Variants in LRRC53 observed in about 807,000 individuals in gnomAD.
LRRC53 encodes the protein leucine-rich repeat-containing protein 53.
Under a neutral mutation model 13.6 loss-of-function variants are expected in LRRC53, and 25 were observed. The ratio of observed to expected loss-of-function variants is 1.83; its 90% CI spans 1.34 to 2.56. The LOEUF is 2.56. Ranked by LOEUF, LRRC53 falls within the 30% of genes most tolerant of loss-of-function variation. The pLI is 0.00. For synonymous variants in LRRC53, 204 were observed against 109.8 expected (o/e 1.86, Z -5.37); for missense variants, 527 against 275.8 (o/e 1.91, Z -6.45).
At chr1:74,493,453 A>G (rs1669175955) in intron 1 of LRRC53, among the ~76,000 whole-genome samples, 1 of 152,236 alleles carries the variant, frequency 6.6e-6, no homozygotes, top group African/African-American at 2.4e-5. Context: ...ACATTCTTTC[A>G]TAGCTAGCTC....
chr1:74,482,992 G>T (rs1668580025), intron 2 of LRRC53, among the ~76,000 whole-genome samples: 1 of 152,202 alleles, frequency 6.6e-6, no homozygotes, highest in African/African-American at 2.4e-5. Flanking sequence ...TGATATATTT[G>T]TTAAGTGTGT....
intron 1 of LRRC53, among the ~76,000 whole-genome samples, chr1:74,483,691 T>C (rs2100268822): frequency 6.6e-6 from 1 of 152,360 alleles, no homozygotes; most frequent in Admixed American, 6.5e-5. Context: ...TACTTAGTTC[T>C]TTTAATTCTG....
intron 1 of LRRC53, among the ~76,000 whole-genome samples, chr1:74,490,805 T>G (rs1016305787): frequency 2.6e-5 from 4 of 152,126 alleles, no homozygotes; most frequent in African/African-American, 9.7e-5. Context: ...CCCTAGATCT[T>G]GGAGGATGAA....
At chr1:74,511,756 G>C (rs570525785) in intron 1 of LRRC53, among the ~76,000 whole-genome samples, 13 of 151,962 alleles carry the variant, frequency 8.6e-5, no homozygotes, top group African/African-American at 2.7e-4. Flanking sequence ...AGTCAAGGTA[G>C]GCTTCCCAAA....
intron 1 of LRRC53, among the ~76,000 whole-genome samples, chr1:74,505,260 C>T (rs971567922): frequency 3.3e-5 from 5 of 152,190 alleles, no homozygotes; most frequent in African/African-American, 1.2e-4. Flanking sequence ...AGCACAGGGA[C>T]CAAAGAGAAC....
chr1:74,508,824 C>T lies in LRRC53; in HGVS notation c.-27+3702G>A, dbSNP rs139137330. ...GGTATGTGTTCTAATCCCACCTCTGCCTTTAAGAACAGTGTAAACTTGGGC... is the reference window on the plus strand; with the variant it reads ...GGTATGTGTTCTAATCCCACCTCTGTCTTTAAGAACAGTGTAAACTTGGGC... On this transcript the variant is annotated intron_variant, in intron 1 of 4. Coordinates refer to ENST00000294635, the MANE Select transcript of LRRC53 (RefSeq NM_001382280.1). Among the ~76,000 whole-genome samples, 1,072 of 152,238 alleles carry T rather than the reference C, an allele frequency of 7.0e-3. 11 individuals are homozygous for T. The highest frequency in any genetic ancestry group is 0.022 in the South Asian group (108 of 4,828).
intron 1 of LRRC53, among the ~76,000 whole-genome samples, chr1:74,494,011 G>C (rs937220256): frequency 2.0e-5 from 3 of 152,170 alleles, no homozygotes; most frequent in African/African-American, 4.8e-5. Flanking sequence ...AGGGGCCCCT[G>C]TTCTAGATGG....
chr1:74,472,083 GTCT>G lies in LRRC53; in HGVS notation c.1536_1538del (p.Glu512del), dbSNP rs1197115974. 1 of 717,140 alleles carries G rather than the reference GTCT, an allele frequency of 1.4e-6. No individual in the cohort carries two copies. 44.4% of individuals were successfully genotyped at this position (717,140 alleles called of 1,614,324 possible). ...TTTGCCTATGAGGGTGTAAGCCATT[GTCT>G]TCTTTTTCTATTGGAGGCTGCCATG... On this transcript the variant is annotated inframe_deletion, in exon 5 of 5. Coordinates refer to ENST00000294635, the MANE Select transcript of LRRC53 (RefSeq NM_001382280.1).
the LRRC53 span, among the ~76,000 whole-genome samples, chr1:74,532,660 G>A: frequency 1.0e-4 from 15 of 146,162 alleles, no homozygotes; most frequent in East Asian, 2.9e-3. Flanking sequence ...AGAGTGTGAT[G>A]TTCCCCTCCC....
At chr1:74,517,795 C>A in the LRRC53 span, among the ~76,000 whole-genome samples, 1 of 152,148 alleles carries the variant, frequency 6.6e-6, no homozygotes, top group Non-Finnish European at 1.5e-5. Flanking sequence ...TGAAAATGCA[C>A]CAGAATCACC....
upstream of LRRC53, among the ~76,000 whole-genome samples, chr1:74,517,348 C>T (rs1293113988): frequency 6.6e-6 from 1 of 152,170 alleles, no homozygotes; most frequent in Non-Finnish European, 1.5e-5. Context: ...CTTCTTCTTC[C>T]CTAAGGAACT....
the LRRC53 span, among the ~76,000 whole-genome samples, chr1:74,526,060 A>G: frequency 6.6e-6 from 1 of 152,242 alleles, no homozygotes; most frequent in Non-Finnish European, 1.5e-5. Flanking sequence ...CAAAACAAAA[A>G]AAACAGTGCT....
the LRRC53 span, among the ~76,000 whole-genome samples, chr1:74,532,108 C>T: frequency 3.3e-5 from 5 of 152,202 alleles, no homozygotes; most frequent in East Asian, 1.9e-4. Context: ...GAAGATGAAT[C>T]CATGCATGCA....
At chr1:74,508,623 C>T (rs1018136591) in intron 1 of LRRC53, among the ~76,000 whole-genome samples, 6 of 152,144 alleles carry the variant, frequency 3.9e-5, no homozygotes, top group East Asian at 1.9e-4. Flanking sequence ...TCTGCCAGAG[C>T]GGTAGCATGG....
chr1:74,492,138 A>C (rs762961584), intron 1 of LRRC53: 1 of 1,611,968 alleles, frequency 6.2e-7, no homozygotes, highest in Non-Finnish European at 8.5e-7. Flanking sequence ...GGTCTCTCTC[A>C]CCTTCTTCTT....
the LRRC53 span, among the ~76,000 whole-genome samples, chr1:74,531,808 G>C: frequency 6.6e-6 from 1 of 152,198 alleles, no homozygotes; most frequent in African/African-American, 2.4e-5. Context: ...AAGGGGATAA[G>C]TGTGCATATG....
intron 1 of LRRC53, chr1:74,492,059 A>C: frequency 6.9e-7 from 1 of 1,459,356 alleles, no homozygotes; most frequent in African/African-American, 1.4e-5. Context: ...CACCTGTTGG[A>C]AGTATTAAAC....
At chr1:74,501,462 T>A (rs976747462) in intron 1 of LRRC53, among the ~76,000 whole-genome samples, 1 of 146,146 alleles carries the variant, frequency 6.8e-6, no homozygotes, top group Non-Finnish European at 1.5e-5. Context: ...CTTGGAGGGT[T>A]TTTTTTGTTT....
chr1:74,517,707 C>G, the LRRC53 span, among the ~76,000 whole-genome samples: 1 of 152,166 alleles, frequency 6.6e-6, no homozygotes, highest in Non-Finnish European at 1.5e-5. Context: ...AAGAGTACGA[C>G]TGGTAAACCG....
Sources: allele counts gnomAD v4.1 joint callset (sites outside exome capture counted in the v4.1 genomes callset), GRCh38; gene constraint gnomAD v4.1.1; transcripts MANE v1.5; gene names NCBI Gene and HGNC (gene_info 2026-07-23, HGNC 2026-07-21).